GRK7: variants seen among roughly 807,000 people sequenced by gnomAD.
GRK7 encodes G protein-coupled receptor kinase 7.
A neutral mutation model predicts 34.1 loss-of-function variants in GRK7; 24 were observed. That is an observed-to-expected ratio of 0.70 (90% confidence interval 0.51 to 0.99). GRK7 has a LOEUF of 0.99. Among genes scored for constraint, GRK7 ranks in the 50% least tolerant of loss-of-function variants. GRK7 has a pLI of 0.00. For synonymous variants in GRK7, 256 were observed against 279.4 expected, an observed-to-expected ratio of 0.92 and a Z score of 0.84; for missense variants, 644 against 707.3, an observed-to-expected ratio of 0.91 and a Z score of 1.02.
chr3:141,767,262 G>C (rs147462404), intron 1 of GRK7, among the ~76,000 whole-genome samples: 1 of 152,230 alleles, frequency 6.6e-6, no homozygotes, highest in African/African-American at 2.4e-5. Context: ...GCTTCCTGTT[G>C]ATAAAAAGAT....
At chr3:141,810,307 C>T (rs960034362) in intron 5 of GRK7, among the ~76,000 whole-genome samples, 7 of 150,000 alleles carry the variant, frequency 4.7e-5, no homozygotes, top group African/African-American at 2.5e-5. Context: ...TCTCCCCATC[C>T]CTCCTTCCCT....
intron 4 of GRK7, among the ~76,000 whole-genome samples, chr3:141,792,022 A>G (rs1229464525): frequency 1.3e-5 from 2 of 150,972 alleles, no homozygotes; most frequent in East Asian, 3.9e-4. Context: ...AAAAAAAAAA[A>G]AAAATTGAGG....
chr3:141,786,204 GAGCTGAC>G (rs2084695415), intron 4 of GRK7, among the ~76,000 whole-genome samples: 1 of 152,142 alleles, frequency 6.6e-6, no homozygotes, highest in Admixed American at 6.5e-5. Context: ...GGTGTTGGGT[GAGCTGAC>G]AGCATCTGCC....
chr3:141,752,371 G>C, the GRK7 span, among the ~76,000 whole-genome samples: 1 of 152,176 alleles, frequency 6.6e-6, no homozygotes, highest in Non-Finnish European at 1.5e-5. Flanking sequence ...CAACGTAGTG[G>C]AGGTGCTACC....
chr3:141,778,011 G>C lies in GRK7; in HGVS notation c.-113-161G>C. ...GTGGAGAAAGACCCTAAGATGAAGG[G>C]ACCAGTGGGGGAGGTGGCCCCGGCA... On this transcript the variant is annotated intron_variant, in intron 2 of 5. Coordinates refer to ENST00000682958, the MANE Select transcript of GRK7 (RefSeq NM_139209.3). This position sits in a 1 kb window ranked among gnomAD's most constrained non-coding sequence, Gnocchi z 4.1. 1 of 469,756 alleles carries C rather than the reference G, an allele frequency of 2.1e-6. No homozygotes were observed. Among genetic ancestry groups the C allele is most frequent in the East Asian group, 3.5e-5 (1 of 28,718 alleles). 29.1% of individuals were successfully genotyped at this position (469,756 alleles called of 1,614,324 possible).
chr3:141,789,347 C>T lies in GRK7; in HGVS notation c.1050+8536C>T, dbSNP rs12107703. On this transcript the variant is annotated intron_variant, in intron 4 of 5. Coordinates refer to ENST00000682958, the MANE Select transcript of GRK7 (RefSeq NM_139209.3). The stretch of plus-strand genomic sequence containing the variant: ...CTCTTCTCTGTGTTGCCCTCACTCT[C>T]AGGCAGGTACTCCCTGCACGGGAGC... Among the ~76,000 whole-genome samples the T allele has an allele frequency of 1.9e-3, 292 of 152,316 alleles. 1 individual carries two copies. The highest frequency in any genetic ancestry group is 6.6e-3 in the African/African-American group (274 of 41,560).
intron 4 of GRK7, among the ~76,000 whole-genome samples, chr3:141,788,676 C>T (rs1244725820): frequency 1.3e-5 from 2 of 152,116 alleles, no homozygotes; most frequent in South Asian, 2.1e-4. Flanking sequence ...AAGGAGATGC[C>T]GGGGCTGAAG....
intron 1 of GRK7, among the ~76,000 whole-genome samples, chr3:141,767,939 T>C (rs927011358): frequency 1.3e-5 from 2 of 152,198 alleles, no homozygotes; most frequent in African/African-American, 4.8e-5. Context: ...TTAGACTAGG[T>C]ACACACTATG....
At chr3:141,799,143 G>A (rs1710924136) in intron 4 of GRK7, among the ~76,000 whole-genome samples, 1 of 152,140 alleles carries the variant, frequency 6.6e-6, no homozygotes, top group Non-Finnish European at 1.5e-5. Context: ...CTGGGATAAG[G>A]GGAAGGGAAA....
chr3:141,790,430 T>C lies in GRK7; in HGVS notation c.1050+9619T>C, dbSNP rs550502784. Among the ~76,000 whole-genome samples the C allele has an allele frequency of 9.8e-5, 15 of 152,322 alleles. 1 individual carries two copies. Among genetic ancestry groups the C allele is most frequent in the African/African-American group, 3.6e-4 (15 of 41,584 alleles). On this transcript the variant is annotated intron_variant, in intron 4 of 5. Transcript: ENST00000682958. ...ACACCAACCACAAGCCTAGCTGAACTTCTAAGAAAGGAAGACTTCAGAAAA... is the reference window on the plus strand; with the variant it reads ...ACACCAACCACAAGCCTAGCTGAACCTCTAAGAAAGGAAGACTTCAGAAAA...
intron 4 of GRK7, among the ~76,000 whole-genome samples, chr3:141,783,159 T>C (rs982458875): frequency 3.9e-5 from 6 of 152,204 alleles, no homozygotes; most frequent in African/African-American, 1.2e-4. Context: ...TGTGGCCCCC[T>C]TTAGGAGCTT....
chr3:141,806,830 T>TAACACTACTG (rs1238633676), intron 4 of GRK7, among the ~76,000 whole-genome samples: 2 of 152,018 alleles, frequency 1.3e-5, no homozygotes, highest in African/African-American at 2.4e-5. Flanking sequence ...AGAATGTACT[T>TAACACTACTG]AACACTACTG....
intron 4 of GRK7, among the ~76,000 whole-genome samples, chr3:141,790,400 T>C (rs2084718661): frequency 6.6e-6 from 1 of 152,176 alleles, no homozygotes; most frequent in Non-Finnish European, 1.5e-5. Context: ...TCTGGTCTGA[T>C]ATGGACACCA....
At chr3:141,811,330 A>T (rs1056111867) in intron 5 of GRK7, among the ~76,000 whole-genome samples, 13 of 152,104 alleles carry the variant, frequency 8.5e-5, no homozygotes, top group African/African-American at 1.7e-4. Flanking sequence ...AAAAAAAATT[A>T]AAAAAACAAA....
chr3:141,760,731 T>C (rs1462895052), upstream of GRK7, among the ~76,000 whole-genome samples: 1 of 146,830 alleles, frequency 6.8e-6, no homozygotes, highest in African/African-American at 2.5e-5. Flanking sequence ...AGTCTCCCAT[T>C]ATTAATGTGT....
At chr3:141,756,413 C>A in the GRK7 span, among the ~76,000 whole-genome samples, 1 of 151,924 alleles carries the variant, frequency 6.6e-6, no homozygotes, top group African/African-American at 2.4e-5. Context: ...AGAATTCAGG[C>A]ACAAAAGACT....
At position 141,778,459 on chromosome 3, in the gene GRK7, C is replaced by T. The variant is rs2084652801; in HGVS notation, c.175C>T (p.Leu59=). The T allele has an allele frequency of 1.2e-6, 2 of 1,613,178 alleles. No homozygotes were observed. Among genetic ancestry groups the T allele is most frequent in the East Asian group, 2.2e-5 (1 of 44,880 alleles). The part of the protein sequence containing the change: ...RQKLSLNFHS[L]CEQQPIGRRL... ...GAAGCTGTCCCTGAACTTCCACAGCCTGTGTGAGCAGCAGCCCATCGGTCG... is the reference window on the plus strand; with the variant it reads ...GAAGCTGTCCCTGAACTTCCACAGCTTGTGTGAGCAGCAGCCCATCGGTCG... Residue 59 remains leucine, a synonymous_variant, in exon 3 of 6, where the codon CTG becomes TTG. Transcript: ENST00000682958. This position sits in a 1 kb window ranked among gnomAD's most constrained non-coding sequence, Gnocchi z 4.1.
the GRK7 span, among the ~76,000 whole-genome samples, chr3:141,756,871 G>A: frequency 6.6e-6 from 1 of 152,126 alleles, no homozygotes; most frequent in Admixed American, 6.6e-5. Context: ...ACCTGAGAAA[G>A]CTCCTTGGAG....
intron 5 of GRK7, among the ~76,000 whole-genome samples, chr3:141,816,394 G>T (rs1711153510): frequency 1.3e-5 from 2 of 152,276 alleles, no homozygotes; most frequent in South Asian, 4.1e-4. Context: ...CTGCAGGCAA[G>T]CAGGTGTGTT....
Sources: gnomAD v4.1 joint callset for allele counts (sites outside exome capture counted in the v4.1 genomes callset) on GRCh38, gnomAD v4.1.1 for gene constraint, Gnocchi (gnomAD v3.1) non-coding constraint, MANE v1.5 for transcripts, NCBI Gene and HGNC (gene_info 2026-07-23, HGNC 2026-07-21) for gene names.